The following IQSEC1 variants were observed in gnomAD, a reference collection of about 807,000 sequenced individuals.
IQSEC1 encodes the protein IQ motif and Sec7 domain ArfGEF 1, also known as IQ motif and SEC7 domain-containing protein 1.
A neutral mutation model predicts 91.0 loss-of-function variants in IQSEC1; 31 were observed. The ratio of observed to expected loss-of-function variants is 0.34; its 90% CI spans 0.26 to 0.46. The LOEUF is 0.46. Among genes scored for constraint, IQSEC1 ranks in the 20% least tolerant of loss-of-function variants. IQSEC1 has a pLI of 1.00. For missense variants in IQSEC1, 1,388 were observed against 1,575.6 expected (o/e 0.88, Z 2.02); for synonymous variants, 699 against 662.6 (o/e 1.05, Z -0.84).
intron 1 of IQSEC1, among the ~76,000 whole-genome samples, chr3:13,068,297 C>T (rs1480037098): frequency 6.6e-5 from 10 of 152,242 alleles, no homozygotes. Context: ...TGTTGCCCTG[C>T]CTGTCCAGCA....
At chr3:13,204,654 CGCAGTAG>C (rs1162128737) in intron 1 of IQSEC1, among the ~76,000 whole-genome samples, 2 of 152,176 alleles carry the variant, frequency 1.3e-5, no homozygotes, top group Non-Finnish European at 2.9e-5. Flanking sequence ...GTTAAGGGCA[CGCAGTAG>C]GCGCTCAGAA....
At chr3:13,122,067 A>C (rs1395814357) in intron 2 of IQSEC1, among the ~76,000 whole-genome samples, 1 of 152,230 alleles carries the variant, frequency 6.6e-6, no homozygotes, top group Non-Finnish European at 1.5e-5. Context: ...TGAAGGAGGC[A>C]ATAATAAGCC....
chr3:13,226,430 T>C (rs1559281094), intron 1 of IQSEC1, among the ~76,000 whole-genome samples: 1 of 152,152 alleles, frequency 6.6e-6, no homozygotes, highest in Non-Finnish European at 1.5e-5. Context: ...GGAATTGTTC[T>C]AAGCACTGAG....
At chr3:13,163,738 C>T (rs1271278801) in intron 2 of IQSEC1, among the ~76,000 whole-genome samples, 4 of 152,166 alleles carry the variant, frequency 2.6e-5, no homozygotes, top group Admixed American at 6.5e-5. Context: ...CTGACCCCGC[C>T]CAGCCCAGCC....
chr3:13,149,720 C>A (rs1281771274), intron 2 of IQSEC1, among the ~76,000 whole-genome samples: 1 of 152,002 alleles, frequency 6.6e-6, no homozygotes, highest in Non-Finnish European at 1.5e-5. Flanking sequence ...CCTCCCCCAA[C>A]CCCTGTGTTC....
chr3:13,179,610 C>T (rs887523096), intron 1 of IQSEC1, among the ~76,000 whole-genome samples: 10 of 152,282 alleles, frequency 6.6e-5, no homozygotes, highest in South Asian at 2.1e-4. Flanking sequence ...TCACAGCCCT[C>T]GCTCGCTCTC....
chr3:12,954,347 T>A (rs1699762176), intron 1 of IQSEC1, among the ~76,000 whole-genome samples: 2 of 152,156 alleles, frequency 1.3e-5, no homozygotes, highest in Non-Finnish European at 2.9e-5. Flanking sequence ...CCCTCCCCCC[T>A]CACAGCTTCA....
intron 2 of IQSEC1, among the ~76,000 whole-genome samples, chr3:13,155,958 C>T (rs890105487): frequency 6.6e-6 from 1 of 152,100 alleles, no homozygotes; most frequent in Non-Finnish European, 1.5e-5. Flanking sequence ...GTGGCTCATG[C>T]CTGTAATCCC....
chr3:13,170,477 G>C (rs1693585486), intron 1 of IQSEC1, among the ~76,000 whole-genome samples: 1 of 152,198 alleles, frequency 6.6e-6, no homozygotes, highest in Non-Finnish European at 1.5e-5. Context: ...CCAGACCCCA[G>C]AATGGTAGAT....
At chr3:12,918,924 A>C (rs1696356885) in intron 6 of IQSEC1, among the ~76,000 whole-genome samples, 1 of 152,120 alleles carries the variant, frequency 6.6e-6, no homozygotes, top group Non-Finnish European at 1.5e-5. Flanking sequence ...AAGTAATTAA[A>C]ACAAATCAGA....
At chr3:13,275,988 A>G (rs1695670454) in intron 1 of IQSEC1, among the ~76,000 whole-genome samples, 1 of 151,596 alleles carries the variant, frequency 6.6e-6, no homozygotes, top group African/African-American at 2.4e-5. Flanking sequence ...CCAGGGGGAC[A>G]GTGTTCTGCC....
intron 1 of IQSEC1, among the ~76,000 whole-genome samples, chr3:13,065,414 A>T (rs1224037074): frequency 6.6e-6 from 1 of 152,228 alleles, no homozygotes; most frequent in Non-Finnish European, 1.5e-5. Flanking sequence ...CATGTGGATG[A>T]ATAATCTCTC....
intron 1 of IQSEC1, among the ~76,000 whole-genome samples, chr3:13,188,006 A>G (rs539727417): frequency 6.6e-6 from 1 of 152,300 alleles, no homozygotes; most frequent in African/African-American, 2.4e-5. Flanking sequence ...TGACACATGG[A>G]TTCTGGGGGA....
Position 13,208,927 on chromosome 3 carries a change from G to A in IQSEC1, c.273-44794C>T, listed in dbSNP as rs1296925093. Among the ~76,000 whole-genome samples the A allele has an allele frequency of 3.3e-5, 5 of 152,186 alleles. No homozygotes were observed. In the East Asian group the frequency reaches 9.6e-4, roughly 29 times the overall value. ...AAGTCAGGGGTCAGCCCTGACCAGG[G>A]GCCAGTTCAAAGTCAGTGGGGTGGG... On this transcript the variant is annotated intron_variant, in intron 1 of 15. Transcript: ENST00000648114.
intron 1 of IQSEC1, among the ~76,000 whole-genome samples, chr3:12,980,648 A>G (rs1189918376): frequency 6.6e-6 from 1 of 152,150 alleles, no homozygotes; most frequent in Non-Finnish European, 1.5e-5. Context: ...CCTGCCATGC[A>G]CGGGGAGGGG....
At chr3:12,947,262 T>C (rs549551380) in intron 1 of IQSEC1, among the ~76,000 whole-genome samples, 7 of 152,264 alleles carry the variant, frequency 4.6e-5, no homozygotes, top group African/African-American at 1.7e-4. Flanking sequence ...TAGGGCTGCT[T>C]AGGAGGTGGT....
At chr3:12,904,426 G>T (rs1575844162) in intron 12 of IQSEC1, among the ~76,000 whole-genome samples, 1 of 152,242 alleles carries the variant, frequency 6.6e-6, no homozygotes, top group African/African-American at 2.4e-5. Context: ...CAGCCAAGTA[G>T]AACCTTGGCC....
At chr3:13,053,654 G>C (rs1295851357) in intron 1 of IQSEC1, among the ~76,000 whole-genome samples, 1 of 152,156 alleles carries the variant, frequency 6.6e-6, no homozygotes, top group Non-Finnish European at 1.5e-5. Flanking sequence ...GAGTGGGCTG[G>C]GTCTGTGGTT....
Position 13,207,078 on chromosome 3 carries a change from C to G in IQSEC1, c.273-42945G>C, listed in dbSNP as rs1290742308. Among the ~76,000 whole-genome samples, 1 of 152,150 alleles carries G rather than the reference C, an allele frequency of 6.6e-6. No homozygotes were observed. Among genetic ancestry groups the G allele is most frequent in the Non-Finnish European group, 1.5e-5 (1 of 68,022 alleles). On this transcript the variant is annotated intron_variant, in intron 1 of 15. Transcript: ENST00000648114. The surrounding 1 kb of genome is among the most constrained non-coding windows in gnomAD (Gnocchi z 4.8). ...AGCATCTGAGCTTCGTAGACCTGGG[C>G]AGGGCTGTTGGGAGTTGCTGGCCCT...
Sources: gnomAD v4.1 joint callset for allele counts (sites outside exome capture counted in the v4.1 genomes callset) on GRCh38, gnomAD v4.1.1 for gene constraint, Gnocchi (gnomAD v3.1) non-coding constraint, MANE v1.5 for transcripts, NCBI Gene and HGNC (gene_info 2026-07-23, HGNC 2026-07-21) for gene names.